Variants in VPS29 observed in about 807,000 individuals in gnomAD.
The protein encoded by VPS29 is vacuolar protein sorting-associated protein 29.
Under a neutral mutation model 20.0 loss-of-function variants are expected in VPS29, and 2 were observed. That is an observed-to-expected ratio of 0.10 (90% CI 0.04 to 0.31). The LOEUF (loss-of-function observed/expected upper bound fraction) is 0.31. VPS29 is among the 10% of genes least tolerant of loss of function. The probability of loss-of-function intolerance (pLI) is 1.00; values close to 1 mark genes in which losing one functional copy is unlikely to be tolerated. For missense variants in VPS29, 120 were observed against 215.3 expected, an observed-to-expected ratio of 0.56 and a Z score of 2.77; for synonymous variants, 81 against 79.3, an observed-to-expected ratio of 1.02 and a Z score of -0.12.
At chr12:110,501,459 A>G in intron 1 of VPS29, 2 of 1,535,494 alleles carry the variant, frequency 1.3e-6, no homozygotes, top group Non-Finnish European at 1.7e-6. Context: ...CAGTTCCAGC[A>G]ATTGCAAGCG....
chr12:110,499,640 C>CA (rs376108608), intron 1 of VPS29: 39,686 of 607,090 alleles, frequency 0.065, 3 homozygotes, highest in East Asian at 0.082. Context: ...AAAAAGAAAC[C>CA]AAAAAAAAAA....
Position 110,491,586 on chromosome 12 carries a change from TA to T in VPS29, c.*418del, listed in dbSNP as rs2062818135. 6.4e-6 allele frequency: 1 copy of T among 156,704 alleles called. No individual in the cohort carries two copies. The highest frequency in any genetic ancestry group is 6.5e-5 in the Admixed American group (1 of 15,452). 9.7% of individuals were successfully genotyped at this position (156,704 alleles called of 1,614,324 possible). A position where few individuals can be genotyped will look rare whatever the true frequency, so the allele number is the denominator to read the frequency against. ...GTAGTTTCACTTGGTTCCTCATTTTTATGTTTTTTTTTAAATTAAATACAGG... is the reference window on the plus strand; with the variant it reads ...GTAGTTTCACTTGGTTCCTCATTTTTTGTTTTTTTTTAAATTAAATACAGG... On this transcript the variant is annotated 3_prime_UTR_variant, in exon 4 of 4. Coordinates refer to ENST00000549578, the MANE Select transcript of VPS29 (RefSeq NM_016226.5).
intron 2 of VPS29, 34 bp from the exon 3 acceptor site, chr12:110,493,265 T>C: frequency 7.2e-7 from 1 of 1,392,908 alleles, no homozygotes; most frequent in Non-Finnish European, 9.5e-7. Flanking sequence ...AAAATATGTA[T>C]TTTAGAGATA....
chr12:110,501,956 C>T (rs772462236), intron 1 of VPS29, 93 bp downstream of exon 1: 2 of 1,610,504 alleles, frequency 1.2e-6, no homozygotes, highest in South Asian at 2.2e-5. Flanking sequence ...TCCGGGATTT[C>T]CCAATTCCTC....
chr12:110,497,689 G>A (rs954376063), intron 1 of VPS29, among the ~76,000 whole-genome samples: 3 of 151,128 alleles, frequency 2.0e-5, no homozygotes, highest in African/African-American at 4.9e-5. Context: ...TCAGGAGTTC[G>A]AGACCAGCCT....
intron 3 of VPS29, 113 bp downstream of exon 3, chr12:110,492,883 G>C (rs1488211339): frequency 4.3e-6 from 4 of 939,714 alleles, no homozygotes; most frequent in Non-Finnish European, 6.3e-6. Context: ...GTCTCCCGAA[G>C]TGCTGGTATT....
intron 1 of VPS29, among the ~76,000 whole-genome samples, chr12:110,500,408 C>A (rs1336442692): frequency 6.6e-6 from 1 of 152,124 alleles, no homozygotes; most frequent in Non-Finnish European, 1.5e-5. Flanking sequence ...TATTTTGAAA[C>A]CATGGCAAGT....
At chr12:110,493,818 A>C (rs1440099408) in intron 2 of VPS29, among the ~76,000 whole-genome samples, 1 of 152,128 alleles carries the variant, frequency 6.6e-6, no homozygotes, top group Non-Finnish European at 1.5e-5. Context: ...GTAAATAATT[A>C]TTCCCCCCAA....
chr12:110,498,359 T>C (rs758708618), intron 1 of VPS29, among the ~76,000 whole-genome samples: 2 of 152,244 alleles, frequency 1.3e-5, no homozygotes, highest in Non-Finnish European at 2.9e-5. Flanking sequence ...CATGCATAAA[T>C]GTACATGCCC....
At chr12:110,501,755 G>T in intron 1 of VPS29, 1 of 1,090,176 alleles carries the variant, frequency 9.2e-7, no homozygotes, top group Non-Finnish European at 1.3e-6. Flanking sequence ...GCCTTCCCTG[G>T]CTCGGGCGTG....
chr12:110,493,113 T>C lies in VPS29; in HGVS notation c.314A>G (p.Gln105Arg). ...CGAGATAAGAATGTCCACATCAAAT[T>C]GCCTCTGCAACAGGGCTAAGCTGGC... ...DMASLALLQR[Q>R]FDVDILISGH... The change falls in exon 3 of 4, where the codon CAA becomes CGA. Residue 105 changes from glutamine (Q) to arginine (R), a missense_variant. Coordinates refer to ENST00000549578, the MANE Select transcript of VPS29 (RefSeq NM_016226.5). The C allele has an allele frequency of 6.2e-7, 1 of 1,614,100 alleles. No individual in the cohort carries two copies.
chr12:110,501,541 G>T, intron 1 of VPS29: 3 of 1,535,388 alleles, frequency 2.0e-6, no homozygotes, highest in South Asian at 1.2e-5. Flanking sequence ...GAGCGAGGAG[G>T]GTGGTTTATT....
At position 110,491,821 on chromosome 12, in the gene VPS29, A is replaced by G. The variant is rs1400077165; in HGVS notation, c.*184T>C. 2 of 568,556 alleles carry G rather than the reference A, an allele frequency of 3.5e-6. No individual in the cohort carries two copies. The highest frequency in any genetic ancestry group is 3.8e-5 in the African/African-American group (2 of 52,978). 35.2% of individuals were successfully genotyped at this position (568,556 alleles called of 1,614,324 possible). ...TTTTCATAGAATCCATATACTGTAA[A>G]CTAAATATATTCTTATAGTTTACAG... is the stretch of plus-strand genomic sequence containing the variant. On this transcript the variant is annotated 3_prime_UTR_variant, in exon 4 of 4. Transcript: ENST00000549578.
intron 1 of VPS29, chr12:110,501,630 TCCA>T: frequency 1.3e-6 from 2 of 1,533,956 alleles, no homozygotes; most frequent in South Asian, 2.4e-5. Flanking sequence ...GAGGCCAGCT[TCCA>T]CCACTACACC....
rs2062958747 is a variant in VPS29, at chr12:110,499,436, G to A, written c.3+2613C>T. On this transcript the variant is annotated intron_variant, in intron 1 of 3. Coordinates refer to ENST00000549578, the MANE Select transcript of VPS29 (RefSeq NM_016226.5). ...CAACCCAATCAAAGCATGGGAATTC[G>A]GTTACTTCCTTTCAACAGACCTTAA... The A allele has an allele frequency of 5.9e-6, 9 of 1,530,428 alleles. No homozygotes were observed. The Admixed American group carries it at 6.3e-5, about 11-fold the overall frequency. 94.8% of individuals were successfully genotyped at this position (1,530,428 alleles called of 1,614,324 possible).
At position 110,491,338 on chromosome 12, in the gene VPS29, A is replaced by C. The variant is rs1246596947; in HGVS notation, c.*667T>G. ...GGTGATCCACCTGCCTCAGCCTCCC[A>C]AAGTGTTGGGATTAGGGTGTGAGCC... On this transcript the variant is annotated 3_prime_UTR_variant, in exon 4 of 4. Transcript: ENST00000549578. The C allele has an allele frequency of 6.6e-6, 1 of 152,266 alleles. No homozygotes were observed. Among genetic ancestry groups the C allele is most frequent in the Admixed American group, 6.6e-5 (1 of 15,264 alleles). The allele number at this position is 152,266 out of a possible 1,614,324, so 9.4% of individuals were successfully genotyped here.
In VPS29 at chr12:110,502,090, C is replaced by T. The variant is rs1375123069; in HGVS notation, c.-39G>A. The T allele has an allele frequency of 1.2e-6, 2 of 1,602,426 alleles. No individual in the cohort carries two copies. The highest frequency in any genetic ancestry group is 1.7e-6 in the Non-Finnish European group (2 of 1,173,282). Reference sequence around the variant, plus strand: ...TCCGCTCAGTCACCACCACCGTCGCCGCCCTCTTCCTCAGGCTCCTCGGCG... The same window carrying T: ...TCCGCTCAGTCACCACCACCGTCGCTGCCCTCTTCCTCAGGCTCCTCGGCG... On this transcript the variant is annotated 5_prime_UTR_variant, in exon 1 of 4. Coordinates refer to ENST00000549578, the MANE Select transcript of VPS29 (RefSeq NM_016226.5).
At chr12:110,494,087 C>T (rs536858373) in intron 2 of VPS29, among the ~76,000 whole-genome samples, 2 of 151,876 alleles carry the variant, frequency 1.3e-5, no homozygotes, top group Admixed American at 6.6e-5. Flanking sequence ...TTTCATCTCC[C>T]CGTCTTTCAC....
At chr12:110,501,851 T>C in intron 1 of VPS29, 198 bp downstream of exon 1, 2 of 1,367,304 alleles carry the variant, frequency 1.5e-6, no homozygotes, top group Non-Finnish European at 1.0e-6. Flanking sequence ...ATACGAGACC[T>C]AGGCCAGCCG....
Sources: allele counts gnomAD v4.1 joint callset (sites outside exome capture counted in the v4.1 genomes callset), GRCh38; gene constraint gnomAD v4.1.1; transcripts MANE v1.5; gene names NCBI Gene and HGNC (gene_info 2026-07-23, HGNC 2026-07-21).